Variants in ROBO1 observed in about 807,000 individuals in gnomAD.
ROBO1 encodes the protein roundabout homolog 1.
ROBO1 carries 149 observed loss-of-function variants against 195.9 expected under a neutral mutation model. The ratio of observed to expected loss-of-function variants is 0.76; its 90% confidence interval spans 0.67 to 0.87. The LOEUF is 0.87. ROBO1 is among the 40% of genes least tolerant of loss of function. The pLI, the probability that ROBO1 is intolerant of heterozygous loss-of-function variation, is 0.00. For missense variants in ROBO1, 1,933 were observed against 2,068.3 expected, an observed-to-expected ratio of 0.93 and a Z score of 1.27; for synonymous variants, 816 against 733.2, an observed-to-expected ratio of 1.11 and a Z score of -1.82.
At chr3:79,028,213 T>A (rs188904831) in intron 3 of ROBO1, among the ~76,000 whole-genome samples, 4 of 152,154 alleles carry the variant, frequency 2.6e-5, no homozygotes, top group Admixed American at 1.3e-4. Flanking sequence ...AGAAAAAATA[T>A]TCCAATAATT....
chr3:79,146,477 T>A (rs1035928216), intron 2 of ROBO1, among the ~76,000 whole-genome samples: 6 of 151,954 alleles, frequency 3.9e-5, no homozygotes, highest in African/African-American at 1.4e-4. Flanking sequence ...CAGATATAGA[T>A]CATAGAATAT....
intron 2 of ROBO1, among the ~76,000 whole-genome samples, chr3:79,331,488 T>C (rs527629532): frequency 1.3e-5 from 2 of 152,362 alleles, no homozygotes; most frequent in African/African-American, 4.8e-5. Flanking sequence ...AAATAAAAAG[T>C]ACTTTTTTAA....
In ROBO1 at chr3:78,648,090, C is replaced by T. The variant is rs531086862; in HGVS notation, c.2813-435G>A. 5.3e-5 allele frequency among the ~76,000 whole-genome samples: 8 copies of T among 150,712 alleles called. No individual in the cohort carries two copies. In the East Asian group the frequency reaches 1.4e-3, roughly 26 times the overall value. On this transcript the variant is annotated intron_variant, in intron 19 of 30. Transcript: ENST00000464233. Reference sequence around the variant, plus strand: ...GCTTATTAAAGTGAACTACTAGGTGCACTTATGTACTTAACATTGAGAGAA... The same window carrying T: ...GCTTATTAAAGTGAACTACTAGGTGTACTTATGTACTTAACATTGAGAGAA...
intron 2 of ROBO1, among the ~76,000 whole-genome samples, chr3:79,558,292 G>A (rs1319894011): frequency 6.6e-6 from 1 of 151,934 alleles, no homozygotes; most frequent in East Asian, 1.9e-4. Flanking sequence ...TCTACTCAAC[G>A]TAAAGACGAT....
Position 79,663,431 on chromosome 3 carries a change from A to C in ROBO1, c.-50-73470T>G, listed in dbSNP as rs139181785. Reference sequence around the variant, plus strand: ...TTGACACATAAAAACAATTTTCCTAAGTAACTGGTAATTCCTCTCATTCTC... The same window carrying C: ...TTGACACATAAAAACAATTTTCCTACGTAACTGGTAATTCCTCTCATTCTC... On this transcript the variant is annotated intron_variant, in intron 1 of 30. Coordinates refer to ENST00000464233, the MANE Select transcript of ROBO1 (RefSeq NM_002941.4). Among the ~76,000 whole-genome samples, 873 of 152,140 alleles carry C rather than the reference A, an allele frequency of 5.7e-3. 6 individuals carry two copies. The highest frequency in any genetic ancestry group is 0.018 in the African/African-American group (759 of 41,546).
intron 3 of ROBO1, among the ~76,000 whole-genome samples, chr3:79,055,582 C>A (rs567814207): frequency 1.5e-4 from 23 of 152,128 alleles, no homozygotes; most frequent in African/African-American, 5.1e-4. Context: ...CACACCAATC[C>A]CCATTAATCT....
intron 2 of ROBO1, among the ~76,000 whole-genome samples, chr3:79,391,870 A>T (rs1421870074): frequency 6.6e-6 from 1 of 152,228 alleles, no homozygotes; most frequent in Non-Finnish European, 1.5e-5. Context: ...AGATGAAATC[A>T]ACAGTCAAAT....
intron 3 of ROBO1, among the ~76,000 whole-genome samples, chr3:78,995,033 C>T (rs767147437): frequency 2.6e-5 from 4 of 152,166 alleles, no homozygotes; most frequent in Non-Finnish European, 5.9e-5. Context: ...GACTGCTATA[C>T]ACTCGAAGCC....
At chr3:79,117,489 C>A (rs2080028053) in intron 3 of ROBO1, among the ~76,000 whole-genome samples, 1 of 152,254 alleles carries the variant, frequency 6.6e-6, no homozygotes, top group East Asian at 1.9e-4. Context: ...CATCTCTTGG[C>A]CTCAGGAATC....
chr3:79,019,169 C>G, intron 3 of ROBO1: 2 of 986,648 alleles, frequency 2.0e-6, no homozygotes, highest in Non-Finnish European at 2.4e-6. Context: ...CTTCTGGGCG[C>G]CCCCAGCCCC....
At position 78,846,018 on chromosome 3, in the gene ROBO1, G is replaced by A. The variant is rs184400103; in HGVS notation, c.499+92583C>T. Among the ~76,000 whole-genome samples, 12 of 152,172 alleles carry A rather than the reference G, an allele frequency of 7.9e-5. No individual in the cohort carries two copies. The East Asian group carries it at 1.4e-3, about 17-fold the overall frequency. On this transcript the variant is annotated intron_variant, in intron 4 of 30. Coordinates refer to ENST00000464233, the MANE Select transcript of ROBO1 (RefSeq NM_002941.4). ...GGTTTATTTTTATATAACATTTCAA[G>A]TACACATAGAAATTAGCCCCAAAGA...
At chr3:79,150,259 T>C (rs1273435521) in intron 2 of ROBO1, among the ~76,000 whole-genome samples, 1 of 151,840 alleles carries the variant, frequency 6.6e-6, no homozygotes, top group East Asian at 1.9e-4. Flanking sequence ...TCTTTTTTTT[T>C]TTCAGTTTTT....
In ROBO1 at chr3:78,651,923, T is replaced by C. The variant is rs1167335531; in HGVS notation, c.2621A>G (p.His874Arg). 1.2e-5 allele frequency: 19 copies of C among 1,612,088 alleles called. No homozygotes were observed. The highest frequency in any genetic ancestry group is 4.0e-5 in the African/African-American group (3 of 74,822). The part of the protein sequence containing the change: ...SEPQFIQLDA[H>R]GNPVSPEDQV... ...GTCCTCAGGTGACACAGGGTTTCCA[T>C]GGGCATCTGAAAAGTCATCTTCCGA... is the stretch of plus-strand genomic sequence containing the variant. The change falls in exon 19 of 31, where the codon CAT becomes CGT. Residue 874 changes from histidine to arginine, a missense_variant. Coordinates refer to ENST00000464233, the MANE Select transcript of ROBO1 (RefSeq NM_002941.4).
intron 2 of ROBO1, among the ~76,000 whole-genome samples, chr3:79,551,838 G>A (rs1017742126): frequency 2.0e-5 from 3 of 151,724 alleles, no homozygotes; most frequent in African/African-American, 7.3e-5. Flanking sequence ...AGGCACATAA[G>A]GTAGAATCAC....
At chr3:78,716,752 C>A (rs544940521) in intron 7 of ROBO1, among the ~76,000 whole-genome samples, 1 of 152,122 alleles carries the variant, frequency 6.6e-6, no homozygotes, top group Non-Finnish European at 1.5e-5. Flanking sequence ...GCTGACAGTA[C>A]CCGAAAGCCT....
At chr3:78,777,951 C>T (rs2083554158) in intron 4 of ROBO1, among the ~76,000 whole-genome samples, 1 of 152,132 alleles carries the variant, frequency 6.6e-6, no homozygotes. Flanking sequence ...TGTCCATTCA[C>T]TATGATATTG....
chr3:79,610,218 T>C (rs1397989162), intron 1 of ROBO1, among the ~76,000 whole-genome samples: 2 of 151,936 alleles, frequency 1.3e-5, no homozygotes, highest in African/African-American at 4.8e-5. Flanking sequence ...TGGATAGTAC[T>C]GAACCTTAAA....
intron 2 of ROBO1, among the ~76,000 whole-genome samples, chr3:79,234,639 C>T (rs971011353): frequency 6.6e-6 from 1 of 151,980 alleles, no homozygotes; most frequent in Non-Finnish European, 1.5e-5. Flanking sequence ...TACTATGCAG[C>T]CATAAAAAGA....
rs746853413 is a variant in ROBO1, at chr3:78,633,098, GA to G, written c.3481+836del. ...TGCAAATGCCATATTCATTACAGAA[GA>G]AGGGTGGAGACTCTTGGCTAAAAGC... On this transcript the variant is annotated intron_variant, in intron 24 of 30. Coordinates refer to ENST00000464233, the MANE Select transcript of ROBO1 (RefSeq NM_002941.4). 5.9e-5 allele frequency among the ~76,000 whole-genome samples: 9 copies of G among 152,308 alleles called. No homozygotes were observed. In the East Asian group the frequency reaches 1.2e-3, roughly 20 times the overall value.
Sources: gnomAD v4.1 joint callset for allele counts (sites outside exome capture counted in the v4.1 genomes callset) on GRCh38, gnomAD v4.1.1 for gene constraint, MANE v1.5 for transcripts, NCBI Gene and HGNC (gene_info 2026-07-23, HGNC 2026-07-21) for gene names.